Variants in MAGI2 observed in about 807,000 individuals in gnomAD.
MAGI2 encodes membrane associated guanylate kinase, WW and PDZ domain containing 2, also known as membrane-associated guanylate kinase, WW and PDZ domain-containing protein 2.
A neutral mutation model predicts 133.3 loss-of-function variants in MAGI2; 35 were observed. That is an observed-to-expected ratio of 0.26 (90% CI 0.20 to 0.35). The LOEUF (loss-of-function observed/expected upper bound fraction) is 0.35. Among genes scored for constraint, MAGI2 ranks in the 10% least tolerant of loss-of-function variants. MAGI2 has a pLI of 1.00. For missense variants in MAGI2, 1,636 were observed against 1,863.4 expected, an observed-to-expected ratio of 0.88 and a Z score of 2.25; for synonymous variants, 729 against 710.6, an observed-to-expected ratio of 1.03 and a Z score of -0.41.
chr7:78,236,803 C>T (rs1049548440), intron 10 of MAGI2, among the ~76,000 whole-genome samples: 1 of 152,076 alleles, frequency 6.6e-6, no homozygotes, highest in African/African-American at 2.4e-5. Context: ...ATACCTGAGA[C>T]TGGGTAATTT....
intron 2 of MAGI2, among the ~76,000 whole-genome samples, chr7:78,880,101 G>A (rs1156342727): frequency 3.3e-5 from 5 of 151,308 alleles, no homozygotes; most frequent in African/African-American, 7.3e-5. Context: ...TAAATTACTG[G>A]CATTCCTGAA....
intron 3 of MAGI2, among the ~76,000 whole-genome samples, chr7:78,541,434 C>T (rs1390692662): frequency 1.3e-5 from 2 of 152,196 alleles, no homozygotes; most frequent in East Asian, 3.8e-4. Context: ...TAGAACAACA[C>T]TGGCATATGG....
At chr7:79,061,975 TTAAA>T (rs1813791211) in intron 1 of MAGI2, among the ~76,000 whole-genome samples, 1 of 152,148 alleles carries the variant, frequency 6.6e-6, no homozygotes, top group Admixed American at 6.5e-5. Context: ...TCTGTGAGAA[TTAAA>T]TAAAAAACAC....
intron 2 of MAGI2, among the ~76,000 whole-genome samples, chr7:78,943,562 T>C (rs1001254996): frequency 7.2e-5 from 11 of 152,206 alleles, no homozygotes; most frequent in Non-Finnish European, 1.5e-4. Flanking sequence ...TTCTGGTAAC[T>C]GATTTGCAAA....
In MAGI2 at chr7:78,565,474, T is replaced by TAA. The variant is rs59788873; in HGVS notation, c.539-43831_539-43830dup. Among the ~76,000 whole-genome samples, 808 of 129,242 alleles carry TAA rather than the reference T, an allele frequency of 6.3e-3. 7 individuals carry two copies. The highest frequency in any genetic ancestry group is 0.021 in the African/African-American group (754 of 35,912). 84.8% of individuals were successfully genotyped at this position (129,242 alleles called of 152,430 possible). Reference sequence around the variant, plus strand: ...GAGTGAGACCCCATCTCTAAAACGCTAAAAAAAAAAAAAAGATAAGAATTA... The same window carrying TAA: ...GAGTGAGACCCCATCTCTAAAACGCTAAAAAAAAAAAAAAAAGATAAGAATTA... On this transcript the variant is annotated intron_variant, in intron 3 of 21. Transcript: ENST00000354212.
At chr7:79,142,021 G>A (rs1285219497) in intron 1 of MAGI2, among the ~76,000 whole-genome samples, 1 of 152,054 alleles carries the variant, frequency 6.6e-6, no homozygotes, top group African/African-American at 2.4e-5. Context: ...ATACACAAAT[G>A]TTGGTTGGGT....
intron 1 of MAGI2, among the ~76,000 whole-genome samples, chr7:79,294,230 TG>T (rs1278992366): frequency 1.1e-4 from 16 of 150,354 alleles, no homozygotes; most frequent in African/African-American, 3.9e-4. Flanking sequence ...TGTATGGTGA[TG>T]TTGTAGGACT....
chr7:79,372,496 A>G (rs907995342), intron 1 of MAGI2, among the ~76,000 whole-genome samples: 2 of 152,132 alleles, frequency 1.3e-5, no homozygotes, highest in African/African-American at 4.8e-5. Context: ...TGTAAGCTTC[A>G]TGATAACAGG....
chr7:78,033,108 A>G (rs752262429), intron 21 of MAGI2, among the ~76,000 whole-genome samples: 38 of 152,130 alleles, frequency 2.5e-4, no homozygotes, highest in Non-Finnish European at 4.3e-4. Flanking sequence ...GCAAGACATG[A>G]TGGTAGCTTG....
rs150650018 is a variant in MAGI2 at position 78,948,113 on chromosome 7, T to C, written c.418+58977A>G. On this transcript the variant is annotated intron_variant, in intron 2 of 21. Coordinates refer to ENST00000354212, the MANE Select transcript of MAGI2 (RefSeq NM_012301.4). ...AAATGATTTATGTAGGGCCAGACCA[T>C]TGAGGTACTAAACCAAATGTTCATG... 3.3e-3 allele frequency among the ~76,000 whole-genome samples: 500 copies of C among 152,158 alleles called. 1 individual carries two copies. The highest frequency in any genetic ancestry group is 0.012 in the African/African-American group (481 of 41,564).
At chr7:78,204,344 T>C (rs1485124166) in intron 10 of MAGI2, among the ~76,000 whole-genome samples, 1 of 152,152 alleles carries the variant, frequency 6.6e-6, no homozygotes, top group East Asian at 1.9e-4. Context: ...ATTCTAAGCA[T>C]TTTGCTAGGC....
chr7:78,399,552 C>T (rs935296829), intron 6 of MAGI2, among the ~76,000 whole-genome samples: 4 of 152,112 alleles, frequency 2.6e-5, no homozygotes, highest in African/African-American at 9.7e-5. Context: ...TGCCAGTAAT[C>T]CCAGCATTCT....
intron 2 of MAGI2, among the ~76,000 whole-genome samples, chr7:78,947,808 CATTT>C (rs949191164): frequency 2.0e-5 from 3 of 151,948 alleles, no homozygotes; most frequent in African/African-American, 7.2e-5. Flanking sequence ...ATAATGGTAA[CATTT>C]GTTTGTTTGT....
At chr7:78,416,290 C>T (rs1017006473) in intron 6 of MAGI2, among the ~76,000 whole-genome samples, 5 of 151,960 alleles carry the variant, frequency 3.3e-5, no homozygotes, top group African/African-American at 1.2e-4. Context: ...AGTGATATGG[C>T]AAGCTAGGGC....
chr7:79,378,926 GTA>G (rs59388508), intron 1 of MAGI2, among the ~76,000 whole-genome samples: 145 of 94,472 alleles, frequency 1.5e-3, no homozygotes, highest in African/African-American at 2.1e-3. Flanking sequence ...ATGTGTGTGT[GTA>G]TATATATATA....
At chr7:78,564,245 A>G (rs1800702597) in intron 3 of MAGI2, among the ~76,000 whole-genome samples, 3 of 152,172 alleles carry the variant, frequency 2.0e-5, no homozygotes. Context: ...CTTTAATGTT[A>G]TTCTGCTCAG....
intron 18 of MAGI2, among the ~76,000 whole-genome samples, chr7:78,132,491 T>C (rs1821667456): frequency 6.6e-6 from 1 of 152,234 alleles, no homozygotes; most frequent in South Asian, 2.1e-4. Flanking sequence ...CTCACTGGCT[T>C]CATCTCACAT....
intron 1 of MAGI2, among the ~76,000 whole-genome samples, chr7:79,306,352 G>A (rs1425020867): frequency 6.8e-6 from 1 of 146,754 alleles, no homozygotes; most frequent in Non-Finnish European, 1.5e-5. Context: ...GTAGAGATAG[G>A]GGTCTTCTTA....
intron 1 of MAGI2, among the ~76,000 whole-genome samples, chr7:79,026,350 T>C (rs28572181): frequency 0.59 from 89,459 of 152,062 alleles, 26,646 homozygotes; most frequent in East Asian, 0.63. Flanking sequence ...GGAAAGCCTA[T>C]TGAAAATATG....
Sources: gnomAD v4.1 joint callset for allele counts (sites outside exome capture counted in the v4.1 genomes callset) on GRCh38, gnomAD v4.1.1 for gene constraint, MANE v1.5 for transcripts, NCBI Gene and HGNC (gene_info 2026-07-23, HGNC 2026-07-21) for gene names.